The following VTI1A variants were observed in gnomAD, a reference collection of about 807,000 sequenced individuals.
The protein encoded by VTI1A is vesicle transport through interaction with t-SNAREs homolog 1A.
In VTI1A, 22 loss-of-function variants were observed where a neutral mutation model predicts 34.9. The ratio of observed to expected loss-of-function variants is 0.63; its 90% CI spans 0.45 to 0.90. The LOEUF is 0.90. Ranked by LOEUF, VTI1A falls within the 40% of genes least tolerant of loss-of-function variation. VTI1A has a pLI of 0.00. For missense variants in VTI1A, 268 were observed against 275.6 expected (o/e 0.97, Z 0.20); for synonymous variants, 87 against 97.3 (o/e 0.89, Z 0.62).
At chr10:112,499,788 C>T (rs1290787134) in intron 3 of VTI1A, among the ~76,000 whole-genome samples, 3 of 152,214 alleles carry the variant, frequency 2.0e-5, no homozygotes, top group Non-Finnish European at 2.9e-5. Flanking sequence ...TGTTTCTTTG[C>T]CTTACCCTCA....
intron 7 of VTI1A, among the ~76,000 whole-genome samples, chr10:112,746,321 TG>T (rs1418399679): frequency 6.6e-6 from 1 of 152,240 alleles, no homozygotes; most frequent in East Asian, 1.9e-4. Context: ...AGGTTTATCC[TG>T]GTGTCCCTAA....
the VTI1A span, among the ~76,000 whole-genome samples, chr10:112,842,640 A>G: frequency 2.0e-5 from 3 of 152,274 alleles, no homozygotes; most frequent in South Asian, 4.1e-4. Flanking sequence ...CTATGATGCT[A>G]TTATTCTGAT....
At chr10:112,694,697 G>A (rs565242006) in intron 7 of VTI1A, among the ~76,000 whole-genome samples, 1 of 152,238 alleles carries the variant, frequency 6.6e-6, no homozygotes, top group East Asian at 1.9e-4. Context: ...GCTGGGCACG[G>A]TGGATCAAGC....
At chr10:112,777,319 G>A (rs1188481609) in intron 7 of VTI1A, among the ~76,000 whole-genome samples, 1 of 152,128 alleles carries the variant, frequency 6.6e-6, no homozygotes, top group Non-Finnish European at 1.5e-5. Flanking sequence ...CTGAATTACT[G>A]TGGTGGGGGT....
chr10:112,654,432 G>A (rs1055808743), intron 5 of VTI1A, among the ~76,000 whole-genome samples: 3 of 151,944 alleles, frequency 2.0e-5, no homozygotes, highest in Admixed American at 6.6e-5. Context: ...TATTAAGATC[G>A]TATCACCTTA....
At chr10:112,448,102 C>T (rs1847019327) in intron 1 of VTI1A, among the ~76,000 whole-genome samples, 1 of 152,048 alleles carries the variant, frequency 6.6e-6, no homozygotes, top group Non-Finnish European at 1.5e-5. Context: ...AACTTTCCTT[C>T]TTAGTAAATG....
intron 5 of VTI1A, among the ~76,000 whole-genome samples, chr10:112,661,142 G>C (rs185284914): frequency 1.3e-5 from 2 of 152,082 alleles, no homozygotes; most frequent in Admixed American, 6.6e-5. Flanking sequence ...CACCACACAC[G>C]GCTAAGTTTT....
chr10:112,760,713 A>G (rs1851432201), intron 7 of VTI1A, among the ~76,000 whole-genome samples: 1 of 152,032 alleles, frequency 6.6e-6, no homozygotes, highest in African/African-American at 2.4e-5. Flanking sequence ...ACATGGTGAA[A>G]CCCCATCTCT....
chr10:112,851,195 C>G, the VTI1A span, among the ~76,000 whole-genome samples: 405 of 152,312 alleles, frequency 2.7e-3, 3 homozygotes, highest in African/African-American at 9.4e-3. Context: ...CTAAAAGTCT[C>G]AGAGCATTTG....
At chr10:112,625,106 A>T (rs566928161) in intron 5 of VTI1A, among the ~76,000 whole-genome samples, 2 of 152,198 alleles carry the variant, frequency 1.3e-5, no homozygotes, top group South Asian at 2.1e-4. Flanking sequence ...TCAAAAAAAT[A>T]AAAAAAGTAT....
intron 7 of VTI1A, among the ~76,000 whole-genome samples, chr10:112,798,908 C>A (rs1268894587): frequency 6.6e-6 from 1 of 152,200 alleles, no homozygotes; most frequent in Non-Finnish European, 1.5e-5. Flanking sequence ...CCTAGAGTCA[C>A]CAGCTGGGCT....
At chr10:112,825,110 A>G in the VTI1A span, 7 of 152,344 alleles carry the variant, frequency 4.6e-5, no homozygotes, top group Admixed American at 3.9e-4. Flanking sequence ...TAATAATTTT[A>G]TCTTTGTCAC....
intron 7 of VTI1A, among the ~76,000 whole-genome samples, chr10:112,755,972 C>T (rs1471433644): frequency 1.3e-5 from 2 of 152,028 alleles, no homozygotes; most frequent in East Asian, 3.9e-4. Flanking sequence ...TGAAAGGGTT[C>T]TTGGTAAGTA....
intron 3 of VTI1A, among the ~76,000 whole-genome samples, chr10:112,520,989 GT>G (rs1472232134): frequency 6.6e-6 from 1 of 151,932 alleles, no homozygotes; most frequent in African/African-American, 2.4e-5. Context: ...AGCAGGGTAT[GT>G]TAGTATTTTT....
At chr10:112,603,755 C>G (rs1374462468) in intron 5 of VTI1A, among the ~76,000 whole-genome samples, 1 of 152,174 alleles carries the variant, frequency 6.6e-6, no homozygotes, top group Non-Finnish European at 1.5e-5. Flanking sequence ...CATCATCCAC[C>G]TTAGCAACCC....
intron 7 of VTI1A, among the ~76,000 whole-genome samples, chr10:112,807,557 A>G (rs1249598223): frequency 6.6e-6 from 1 of 152,042 alleles, no homozygotes; most frequent in Non-Finnish European, 1.5e-5. Context: ...TTTCCTCTCA[A>G]GATCCTTAAT....
At chr10:112,792,898 T>C (rs1852537012) in intron 7 of VTI1A, among the ~76,000 whole-genome samples, 2 of 152,260 alleles carry the variant, frequency 1.3e-5, no homozygotes, top group Non-Finnish European at 2.9e-5. Context: ...CTTTTCAAAA[T>C]GCTGATCAGA....
intron 5 of VTI1A, among the ~76,000 whole-genome samples, chr10:112,584,588 G>A: frequency 6.6e-6 from 1 of 152,196 alleles, no homozygotes; most frequent in East Asian, 1.9e-4. Flanking sequence ...CAGCTGACTT[G>A]CTTGCCTTAG....
At chr10:112,717,483 A>AG (rs1231497509) in intron 7 of VTI1A, among the ~76,000 whole-genome samples, 1 of 152,052 alleles carries the variant, frequency 6.6e-6, no homozygotes, top group Non-Finnish European at 1.5e-5. Context: ...GGAACTATGT[A>AG]GGGGGGACAG....
Sources: gnomAD v4.1 joint callset for allele counts (sites outside exome capture counted in the v4.1 genomes callset) on GRCh38, gnomAD v4.1.1 for gene constraint, MANE v1.5 for transcripts, NCBI Gene and HGNC (gene_info 2026-07-23, HGNC 2026-07-21) for gene names.